The following JARID2 variants were observed in gnomAD, a reference collection of about 807,000 sequenced individuals.
JARID2 encodes protein Jumonji.
A neutral mutation model predicts 125.6 loss-of-function variants in JARID2; 21 were observed. The ratio of observed to expected loss-of-function variants is 0.17; its 90% confidence interval spans 0.12 to 0.24. The LOEUF (loss-of-function observed/expected upper bound fraction) is 0.24. Among genes scored for constraint, JARID2 ranks in the 10% least tolerant of loss-of-function variants. The pLI, the probability that JARID2 is intolerant of heterozygous loss-of-function variation, is 1.00. For missense variants in JARID2, 1,303 were observed against 1,639.6 expected, an observed-to-expected ratio of 0.79 and a Z score of 3.55; for synonymous variants, 736 against 661.6, an observed-to-expected ratio of 1.11 and a Z score of -1.73.
At chr6:15,261,891 C>T (rs1160261613) in intron 1 of JARID2, among the ~76,000 whole-genome samples, 1 of 148,932 alleles carries the variant, frequency 6.7e-6, no homozygotes, top group East Asian at 2.0e-4. Context: ...TCAAGCAATT[C>T]TGCCTCAGCC....
chr6:15,496,485 G>A lies in JARID2; in HGVS notation c.1260G>A (p.Lys420=), dbSNP rs772493660. 1.2e-6 allele frequency: 2 copies of A among 1,611,208 alleles called. No individual in the cohort carries two copies. The highest frequency in any genetic ancestry group is 1.7e-6 in the Non-Finnish European group (2 of 1,178,782). Residue 420 remains lysine (K), a synonymous_variant, in exon 7 of 18, where the codon AAG becomes AAA. Coordinates refer to ENST00000341776, the MANE Select transcript of JARID2 (RefSeq NM_004973.4). ...GGTTGAACCCAAAGTCATGCACTAA[G>A]GAGGTGGGGGGGCGGCAGCTGCGGG... ...SGRLNPKSCT[K]EVGGRQLREG... is the part of the protein sequence containing the mutation.
intron 2 of JARID2, 54 bp downstream of exon 2, chr6:15,374,306 A>G: frequency 6.3e-7 from 1 of 1,588,848 alleles, no homozygotes; most frequent in Non-Finnish European, 8.6e-7. Context: ...CTGGGCGTGG[A>G]CTTGTTCCTG....
At chr6:15,303,695 C>T (rs764781686) in intron 1 of JARID2, among the ~76,000 whole-genome samples, 44 of 152,268 alleles carry the variant, frequency 2.9e-4, no homozygotes, top group Non-Finnish European at 5.7e-4. Context: ...GAATACTGAC[C>T]TCCGCTCCCA....
chr6:15,495,602 C>CT (rs1770375168), intron 6 of JARID2, among the ~76,000 whole-genome samples: 1 of 152,148 alleles, frequency 6.6e-6, no homozygotes, highest in Non-Finnish European at 1.5e-5. Flanking sequence ...TGTTTTCCTT[C>CT]TTTTTTTAGC....
At chr6:15,362,294 C>T (rs1395830042) in intron 1 of JARID2, among the ~76,000 whole-genome samples, 2 of 152,202 alleles carry the variant, frequency 1.3e-5, no homozygotes, top group Admixed American at 6.5e-5. Flanking sequence ...ACAGAACGAA[C>T]AGCCAGCCTT....
At chr6:15,254,844 A>G (rs987451210) in intron 1 of JARID2, among the ~76,000 whole-genome samples, 3 of 152,058 alleles carry the variant, frequency 2.0e-5, no homozygotes, top group African/African-American at 7.2e-5. Context: ...GTTCTAGACT[A>G]GCCTGGCCAA....
intron 4 of JARID2, among the ~76,000 whole-genome samples, chr6:15,467,680 CA>C (rs1343337561): frequency 2.0e-5 from 3 of 152,170 alleles, no homozygotes; most frequent in African/African-American, 7.2e-5. Flanking sequence ...CATCTCCCCA[CA>C]AAAAATTAGC....
At chr6:15,395,551 C>T (rs1260755342) in intron 2 of JARID2, among the ~76,000 whole-genome samples, 1 of 152,106 alleles carries the variant, frequency 6.6e-6, no homozygotes, top group Non-Finnish European at 1.5e-5. Flanking sequence ...AGGTGTGAGC[C>T]ACCATGCTTG....
At chr6:15,507,730 G>T (rs1771078303) in intron 11 of JARID2, among the ~76,000 whole-genome samples, 1 of 152,214 alleles carries the variant, frequency 6.6e-6, no homozygotes, top group African/African-American at 2.4e-5. Flanking sequence ...CTGCAGGCTT[G>T]AAATCATGAA....
chr6:15,457,877 G>A (rs552414548), intron 4 of JARID2, among the ~76,000 whole-genome samples: 2 of 152,140 alleles, frequency 1.3e-5, no homozygotes, highest in Non-Finnish European at 2.9e-5. Flanking sequence ...AAACAAATTT[G>A]TTTTAAGACA....
At chr6:15,515,304 G>T (rs1190168509) in intron 16 of JARID2, among the ~76,000 whole-genome samples, 1 of 152,048 alleles carries the variant, frequency 6.6e-6, no homozygotes, top group Non-Finnish European at 1.5e-5. Flanking sequence ...GGGCCACTGC[G>T]CCCAGCTGTC....
chr6:15,360,603 C>T (rs991310976), intron 1 of JARID2, among the ~76,000 whole-genome samples: 3 of 152,174 alleles, frequency 2.0e-5, no homozygotes, highest in African/African-American at 7.2e-5. Flanking sequence ...CTCACCTCAG[C>T]CTCTTGAGTA....
intron 3 of JARID2, among the ~76,000 whole-genome samples, chr6:15,449,522 G>A (rs1767822374): frequency 6.6e-6 from 1 of 151,888 alleles, no homozygotes; most frequent in African/African-American, 2.4e-5. Flanking sequence ...GCCAAAAACA[G>A]CTGGGTGTGG....
chr6:15,428,564 T>C (rs879305301), intron 3 of JARID2, among the ~76,000 whole-genome samples: 1 of 152,164 alleles, frequency 6.6e-6, no homozygotes, highest in Non-Finnish European at 1.5e-5. Context: ...AATAATGGTT[T>C]CCAGCTTCAT....
At chr6:15,505,256 G>C (rs1304953702) in intron 9 of JARID2, 2 of 152,138 alleles carry the variant, frequency 1.3e-5, no homozygotes, top group Non-Finnish European at 2.9e-5. Context: ...ACCAAACCCG[G>C]ACTGCTGGTT....
At chr6:15,505,905 C>T (rs901967119) in intron 9 of JARID2, among the ~76,000 whole-genome samples, 6 of 152,252 alleles carry the variant, frequency 3.9e-5, no homozygotes, top group African/African-American at 1.4e-4. Flanking sequence ...CTTTCTGGGG[C>T]TGAGCGTTGG....
At chr6:15,399,135 C>T (rs147880038) in intron 2 of JARID2, among the ~76,000 whole-genome samples, 1 of 152,178 alleles carries the variant, frequency 6.6e-6, no homozygotes, top group Non-Finnish European at 1.5e-5. Context: ...TTAACAGGAA[C>T]GTGCTGCACT....
chr6:15,479,140 A>G (rs972408665), intron 5 of JARID2, among the ~76,000 whole-genome samples: 6 of 152,118 alleles, frequency 3.9e-5, no homozygotes, highest in Admixed American at 1.3e-4. Flanking sequence ...CCGTAAGGCC[A>G]TTTGTCCAGC....
chr6:15,283,705 ATT>A (rs58730259), intron 1 of JARID2, among the ~76,000 whole-genome samples: 175 of 113,044 alleles, frequency 1.5e-3, no homozygotes, highest in African/African-American at 2.9e-3. Context: ...TCCTTTAAGT[ATT>A]TTTTTTTTTT....
Sources: allele counts gnomAD v4.1 joint callset (sites outside exome capture counted in the v4.1 genomes callset), GRCh38; gene constraint gnomAD v4.1.1; transcripts MANE v1.5; gene names NCBI Gene and HGNC (gene_info 2026-07-23, HGNC 2026-07-21).